The following EFCAB3 variants were observed in gnomAD, a reference collection of about 807,000 sequenced individuals.
EFCAB3 encodes EF-hand calcium binding domain 3, also known as EF-hand calcium-binding domain-containing protein 3.
Under a neutral mutation model 42.2 loss-of-function variants are expected in EFCAB3, and 36 were observed. That is an observed-to-expected ratio of 0.85 (90% CI 0.65 to 1.13). The LOEUF is 1.13. EFCAB3 is among the 50% of genes most tolerant of loss of function. The pLI, the probability that EFCAB3 is intolerant of heterozygous loss-of-function variation, is 0.00. For missense variants in EFCAB3, 418 were observed against 505.1 expected (o/e 0.83, Z 1.65); for synonymous variants, 170 against 172.8 (o/e 0.98, Z 0.13).
intron 1 of EFCAB3, among the ~76,000 whole-genome samples, chr17:62,371,917 A>G (rs2070117304): frequency 6.6e-6 from 1 of 152,186 alleles, no homozygotes; most frequent in Non-Finnish European, 1.5e-5. Context: ...GTTTCTTACT[A>G]TAATGCTTCA....
At chr17:62,377,963 T>C, upstream of EFCAB3, 1 of 1,548,122 alleles carries the variant, frequency 6.5e-7, no homozygotes, top group Non-Finnish European at 8.7e-7. Context: ...AATCTTGTCT[T>C]TAAGCAAAAG....
Position 62,403,285 on chromosome 17 carries a change from A to G in EFCAB3, c.489-3195A>G, listed in dbSNP as rs1036682976. On this transcript the variant is annotated intron_variant, in intron 6 of 9. Transcript: ENST00000305286. ...TCCAACCAATCACTAAGCCCTGTCT[A>G]TCTTACCTCCTCAACATGAAAGCAA... Among the ~76,000 whole-genome samples the G allele has an allele frequency of 1.6e-4, 25 of 152,128 alleles. 1 individual carries two copies. The highest frequency in any genetic ancestry group is 5.6e-4 in the African/African-American group (23 of 41,426).
At chr17:62,386,857 T>C (rs115655101) in intron 2 of EFCAB3, among the ~76,000 whole-genome samples, 6,061 of 152,254 alleles carry the variant, frequency 0.04, 398 homozygotes, top group African/African-American at 0.14. Context: ...GGTGCAATCA[T>C]GACTCAGTGC....
intron 3 of EFCAB3, among the ~76,000 whole-genome samples, chr17:62,389,611 A>G (rs907405404): frequency 1.3e-5 from 2 of 152,122 alleles, no homozygotes; most frequent in Admixed American, 6.5e-5. Context: ...AAGAAAACTG[A>G]AGCAATCAGA....
chr17:62,397,576 G>T (rs918338893), intron 6 of EFCAB3: 5 of 599,892 alleles, frequency 8.3e-6, no homozygotes, highest in Admixed American at 3.9e-5. Context: ...AAAAAATAGG[G>T]GTTGAAACCA....
chr17:62,384,155 A>G (rs1220893277), intron 2 of EFCAB3, among the ~76,000 whole-genome samples: 1 of 152,164 alleles, frequency 6.6e-6, no homozygotes, highest in Non-Finnish European at 1.5e-5. Context: ...AGTTAAGCAA[A>G]GACTAGACAA....
At chr17:62,398,046 A>AAT in intron 6 of EFCAB3, 1 of 285,876 alleles carries the variant, frequency 3.5e-6, no homozygotes, top group South Asian at 3.6e-5. Flanking sequence ...AAAAAAAAAA[A>AAT]GGTGATATTC....
intron 8 of EFCAB3, among the ~76,000 whole-genome samples, chr17:62,408,885 C>T (rs1210593691): frequency 6.6e-6 from 1 of 152,138 alleles, no homozygotes. Flanking sequence ...TGTTGTTCCT[C>T]AGAGAGCTGC....
chr17:62,381,242 C>T (rs144327452), intron 1 of EFCAB3, among the ~76,000 whole-genome samples: 2,259 of 148,916 alleles, frequency 0.015, 63 homozygotes, highest in African/African-American at 0.053. Flanking sequence ...AGTGAGAACA[C>T]GCGGTGTTCG....
chr17:62,406,944 G>T, intron 7 of EFCAB3, 84 bp from the exon 8 acceptor site: 1 of 1,431,952 alleles, frequency 7.0e-7, no homozygotes. Context: ...AATAGACAAA[G>T]CAAAACAGGC....
chr17:62,405,749 T>C (rs1229827380), intron 6 of EFCAB3, among the ~76,000 whole-genome samples: 3 of 152,238 alleles, frequency 2.0e-5, no homozygotes, highest in African/African-American at 7.2e-5. Flanking sequence ...GCTGTACTTA[T>C]TCTTAAAGAA....
intron 6 of EFCAB3, among the ~76,000 whole-genome samples, chr17:62,400,234 AT>A (rs1200377676): frequency 2.0e-5 from 3 of 150,846 alleles, no homozygotes; most frequent in Non-Finnish European, 3.0e-5. Flanking sequence ...TTTTTTTCTT[AT>A]TTTTTTATTA....
chr17:62,378,154 T>C (rs190977243), upstream of EFCAB3: 1 of 678,862 alleles, frequency 1.5e-6, no homozygotes, highest in Non-Finnish European at 2.4e-6. Flanking sequence ...ATAAAGTGAA[T>C]GAACACCGTT....
At chr17:62,381,952 T>TGAG (rs569415069) in intron 1 of EFCAB3, 2 of 300,464 alleles carry the variant, frequency 6.7e-6, no homozygotes, top group Admixed American at 3.7e-5. Context: ...GAGGAGAAGA[T>TGAG]GAGGAGGAGG....
chr17:62,411,920 G>A (rs144432602), intron 8 of EFCAB3, among the ~76,000 whole-genome samples: 2,584 of 148,274 alleles, frequency 0.017, 78 homozygotes, highest in African/African-American at 0.058. Context: ...GAGGGAGGAA[G>A]ACAGACAGAA....
intron 8 of EFCAB3, among the ~76,000 whole-genome samples, chr17:62,409,882 T>C (rs923951948): frequency 6.6e-6 from 1 of 152,122 alleles, no homozygotes; most frequent in Non-Finnish European, 1.5e-5. Context: ...TTACATCTAA[T>C]CTAATATAAT....
At chr17:62,382,027 C>A in intron 1 of EFCAB3, 1 of 227,182 alleles carries the variant, frequency 4.4e-6, no homozygotes, top group South Asian at 6.8e-5. Flanking sequence ...TTCCTGCTCC[C>A]CTGCAAATAA....
chr17:62,391,784 G>T, intron 3 of EFCAB3, 38 bp from the exon 4 acceptor site: 2 of 1,603,554 alleles, frequency 1.2e-6, no homozygotes, highest in Non-Finnish European at 1.7e-6. Flanking sequence ...ACTTCTTCTT[G>T]AACAACTGTC....
chr17:62,388,030 T>C (rs560452883), intron 3 of EFCAB3, among the ~76,000 whole-genome samples: 2 of 152,178 alleles, frequency 1.3e-5, no homozygotes, highest in Non-Finnish European at 2.9e-5. Flanking sequence ...GCCAATATGG[T>C]GAAACCTTGT....
Sources: allele counts gnomAD v4.1 joint callset (sites outside exome capture counted in the v4.1 genomes callset), GRCh38; gene constraint gnomAD v4.1.1; transcripts MANE v1.5; gene names NCBI Gene and HGNC (gene_info 2026-07-23, HGNC 2026-07-21).